Variants in HERC6 observed in about 807,000 individuals in gnomAD.
HERC6 encodes probable E3 ubiquitin-protein ligase HERC6.
A neutral mutation model predicts 114.5 loss-of-function variants in HERC6; 101 were observed. The ratio of observed to expected loss-of-function variants is 0.88; its 90% CI spans 0.75 to 1.04. HERC6 has a LOEUF of 1.04. Among genes scored for constraint, HERC6 ranks in the 50% least tolerant of loss-of-function variants. The probability of loss-of-function intolerance (pLI) is 0.00; values close to 1 mark genes in which losing one functional copy is unlikely to be tolerated. For missense variants in HERC6, 1,133 were observed against 1,230.9 expected, an observed-to-expected ratio of 0.92 and a Z score of 1.19; for synonymous variants, 408 against 436.2, an observed-to-expected ratio of 0.94 and a Z score of 0.81.
intron 13 of HERC6, among the ~76,000 whole-genome samples, chr4:88,419,962 C>T (rs1379571712): frequency 6.6e-6 from 1 of 151,870 alleles, no homozygotes; most frequent in Non-Finnish European, 1.5e-5. Flanking sequence ...TCCCCTCTCC[C>T]TCTCCCTCTC....
At chr4:88,439,431 G>GGAAA (rs1006143696) in intron 20 of HERC6, among the ~76,000 whole-genome samples, 23 of 151,440 alleles carry the variant, frequency 1.5e-4, no homozygotes, top group Middle Eastern at 3.4e-3. Context: ...GGAAGGGAAA[G>GGAAA]GAAAGAAAGA....
At position 88,417,522 on chromosome 4, in the gene HERC6, C is replaced by G. The variant is rs779984966; in HGVS notation, c.1656C>G (p.Thr552=). Residue 552 remains threonine, a synonymous_variant, in exon 13 of 23, where the codon ACC becomes ACG. Coordinates refer to ENST00000264346, the MANE Select transcript of HERC6 (RefSeq NM_017912.4). The part of the protein sequence containing the change: ...IISQLLHQTK[T]EQDHCNVKAL... ...CTCAGCTGCTTCATCAGACTAAAACCGAACAGGATCACTGTAATGTTAAAG... is the reference window on the plus strand; with the variant it reads ...CTCAGCTGCTTCATCAGACTAAAACGGAACAGGATCACTGTAATGTTAAAG... 13 of 1,612,614 alleles carry G rather than the reference C, an allele frequency of 8.1e-6. 1 individual carries two copies. In the South Asian group the frequency reaches 1.3e-4, roughly 16 times the overall value.
At chr4:88,393,273 A>G (rs1735015853) in intron 4 of HERC6, among the ~76,000 whole-genome samples, 1 of 151,996 alleles carries the variant, frequency 6.6e-6, no homozygotes, top group Non-Finnish European at 1.5e-5. Context: ...AATTATAAAA[A>G]TAAGAAAAGA....
chr4:88,437,447 G>T (rs184184479), intron 19 of HERC6, among the ~76,000 whole-genome samples: 2 of 152,228 alleles, frequency 1.3e-5, no homozygotes, highest in Admixed American at 6.5e-5. Context: ...CTCAAATAAA[G>T]TGAAGCTATG....
At chr4:88,415,144 T>C (rs967286334) in intron 12 of HERC6, among the ~76,000 whole-genome samples, 1 of 152,226 alleles carries the variant, frequency 6.6e-6, no homozygotes, top group Non-Finnish European at 1.5e-5. Context: ...ATATTCTATA[T>C]ATAGAAACAT....
intron 15 of HERC6, 37 bp from the exon 16 acceptor site, chr4:88,428,543 C>A: frequency 6.6e-7 from 1 of 1,514,870 alleles, no homozygotes; most frequent in South Asian, 1.4e-5. Context: ...CCTATGAGGT[C>A]AAAAGGAGAA....
rs777038107 is a variant in HERC6, at chr4:88,390,845, C to T, written c.630C>T (p.Ala210=). 56 of 1,613,650 alleles carry T rather than the reference C, an allele frequency of 3.5e-5. 1 individual carries two copies. In the South Asian group the frequency reaches 4.3e-4, roughly 12 times the overall value. The change falls in exon 4 of 23, where the codon GCC becomes GCT. Residue 210 remains alanine, a synonymous_variant. Coordinates refer to ENST00000264346, the MANE Select transcript of HERC6 (RefSeq NM_017912.4). Reference sequence around the variant, plus strand: ...CGTTTGGCTGGGGAAGTAACAGTGCCGGGCAGCTGGCCCTCAGTGGGCGTA... The same window carrying T: ...CGTTTGGCTGGGGAAGTAACAGTGCTGGGCAGCTGGCCCTCAGTGGGCGTA... ...GTSFGWGSNS[A]GQLALSGRNV...
At chr4:88,438,113 G>A (rs1738947504) in intron 20 of HERC6, among the ~76,000 whole-genome samples, 3 of 127,210 alleles carry the variant, frequency 2.4e-5, no homozygotes, top group South Asian at 5.3e-4. Context: ...GCAACAGAGT[G>A]AGACTGTGTC....
At chr4:88,391,867 C>A (rs931886555) in intron 4 of HERC6, among the ~76,000 whole-genome samples, 1 of 152,198 alleles carries the variant, frequency 6.6e-6, no homozygotes, top group Non-Finnish European at 1.5e-5. Flanking sequence ...CCATGCTGAG[C>A]ACTTATACCT....
intron 20 of HERC6, 73 bp downstream of exon 20, chr4:88,437,854 A>G (rs1738915029): frequency 1.8e-6 from 2 of 1,102,774 alleles, no homozygotes; most frequent in Non-Finnish European, 2.7e-6. Context: ...TTCTTTTAAA[A>G]TGTATTTTTA....
intron 18 of HERC6, among the ~76,000 whole-genome samples, 180 bp from the exon 19 acceptor site, chr4:88,436,725 A>T (rs1196326532): frequency 6.6e-6 from 1 of 152,252 alleles, no homozygotes; most frequent in Non-Finnish European, 1.5e-5. Flanking sequence ...ACAATGGTCC[A>T]ACAAATCAAA....
At chr4:88,414,844 G>A (rs537800158) in intron 12 of HERC6, among the ~76,000 whole-genome samples, 6 of 152,062 alleles carry the variant, frequency 3.9e-5, no homozygotes, top group African/African-American at 7.2e-5. Context: ...GCTGACCTCC[G>A]ATCTCATTCT....
rs754011144 is a variant in HERC6 at position 88,398,224 on chromosome 4, T to C, written c.1092+15T>C. 4 of 1,513,294 alleles carry C rather than the reference T, an allele frequency of 2.6e-6. No homozygotes were observed. Among genetic ancestry groups the C allele is most frequent in the African/African-American group, 2.8e-5 (2 of 70,876 alleles). 93.7% of individuals were successfully genotyped at this position (1,513,294 alleles called of 1,614,324 possible). On this transcript the variant is annotated intron_variant, in intron 8 of 22. Coordinates refer to ENST00000264346, the MANE Select transcript of HERC6 (RefSeq NM_017912.4). ...CAACTCATCAGGTATCTATTATACT[T>C]TTTGTTCCTCTTAAAAATTATTTTT...
chr4:88,388,549 C>CAA (rs76168315), intron 3 of HERC6, among the ~76,000 whole-genome samples: 5 of 92,416 alleles, frequency 5.4e-5, no homozygotes, highest in East Asian at 2.7e-4. Context: ...AGACTCGTCT[C>CAA]AAAAAAAAAA....
intron 8 of HERC6, among the ~76,000 whole-genome samples, chr4:88,404,164 A>T (rs938431366): frequency 1.3e-5 from 2 of 149,198 alleles, no homozygotes; most frequent in African/African-American, 4.9e-5. Flanking sequence ...AAATTCATCC[A>T]TGTTGTAGCA....
chr4:88,393,057 T>G (rs556533399), intron 4 of HERC6, among the ~76,000 whole-genome samples: 54 of 152,244 alleles, frequency 3.5e-4, no homozygotes, highest in African/African-American at 1.3e-3. Flanking sequence ...TATTTTAGGT[T>G]GACAAATGAA....
In HERC6 at chr4:88,421,484, G is replaced by A. The variant is rs148524692; in HGVS notation, c.1714-2376G>A. On this transcript the variant is annotated intron_variant, in intron 13 of 22. Transcript: ENST00000264346. ...TTTTTTTGAGACGGATTCTTGCTCT[G>A]TTGCCCAGGCTGGAATGCAGTGGCA... Among the ~76,000 whole-genome samples the A allele has an allele frequency of 4.3e-4, 58 of 134,192 alleles. 1 individual carries two copies. In the East Asian group the frequency reaches 0.013, roughly 30 times the overall value. The allele number at this position is 134,192 out of a possible 152,430, so 88.0% of individuals were successfully genotyped here.
In HERC6 at chr4:88,435,706, T is replaced by A. The variant is rs182645008; in HGVS notation, c.2251-19T>A. On this transcript the variant is annotated intron_variant, in intron 17 of 22. Coordinates refer to ENST00000264346, the MANE Select transcript of HERC6 (RefSeq NM_017912.4). ...CTAATTATTTATAATACCTTAGGGA[T>A]TTTTTTCTTCTTTTCTAGCCTAAAC... is the stretch of plus-strand genomic sequence containing the variant. 9 of 1,436,722 alleles carry A rather than the reference T, an allele frequency of 6.3e-6. No homozygotes were observed. Among genetic ancestry groups the A allele is most frequent in the Middle Eastern group, 1.9e-4 (1 of 5,396 alleles). The allele number at this position is 1,436,722 out of a possible 1,614,324, so 89.0% of individuals were successfully genotyped here. A position where few individuals can be genotyped will look rare whatever the true frequency, so the allele number is the denominator to read the frequency against.
At chr4:88,405,471 T>C in intron 9 of HERC6, 83 bp from the exon 10 acceptor site, 1 of 636,150 alleles carries the variant, frequency 1.6e-6, no homozygotes, top group East Asian at 3.0e-5. Context: ...CACGTCATCA[T>C]TTACTTATTC....
Sources: allele counts gnomAD v4.1 joint callset (sites outside exome capture counted in the v4.1 genomes callset), GRCh38; gene constraint gnomAD v4.1.1; transcripts MANE v1.5; gene names NCBI Gene and HGNC (gene_info 2026-07-23, HGNC 2026-07-21).